The following DNAH11 variants were observed in gnomAD, a reference collection of about 807,000 sequenced individuals.
DNAH11 encodes the protein axonemal beta dynein heavy chain 11.
Under a neutral mutation model 526.0 loss-of-function variants are expected in DNAH11, and 442 were observed. The ratio of observed to expected loss-of-function variants is 0.84; its 90% CI spans 0.78 to 0.91. The LOEUF (loss-of-function observed/expected upper bound fraction) is 0.91. DNAH11 is among the 40% of genes least tolerant of loss of function. The probability of loss-of-function intolerance (pLI) is 0.00; values close to 1 mark genes in which losing one functional copy is unlikely to be tolerated. For synonymous variants in DNAH11, 2,461 were observed against 1,935.9 expected (o/e 1.27, Z -7.12); for missense variants, 6,989 against 5,448.7 (o/e 1.28, Z -8.90).
Position 21,543,077 on chromosome 7 carries a change from T to C in DNAH11, c.-169T>C. The stretch of plus-strand genomic sequence containing the variant: ...GCTTCGGCCTGCGAGGCTACAGCTG[T>C]GCGCAGTGGCGCGGCTGCTAAGTAG... On this transcript the variant is annotated 5_prime_UTR_variant, in exon 1 of 82. Transcript: ENST00000409508. 2.9e-6 allele frequency: 4 copies of C among 1,376,206 alleles called. No homozygotes were observed. The highest frequency in any genetic ancestry group is 2.8e-6 in the Non-Finnish European group (3 of 1,057,718). 85.2% of individuals were successfully genotyped at this position (1,376,206 alleles called of 1,614,324 possible). A position where few individuals can be genotyped will look rare whatever the true frequency, so the allele number is the denominator to read the frequency against.
intron 30 of DNAH11, among the ~76,000 whole-genome samples, chr7:21,681,006 A>C (rs894165106): frequency 6.6e-6 from 1 of 152,180 alleles, no homozygotes; most frequent in Non-Finnish European, 1.5e-5. Context: ...GCAGCCGGGA[A>C]ACCCTGTGTC....
At position 21,867,982 on chromosome 7, in the gene DNAH11, T is replaced by C; in HGVS notation, c.11814T>C (p.Asp3938=). 1 of 1,558,434 alleles carries C rather than the reference T, an allele frequency of 6.4e-7. No individual in the cohort carries two copies. ...PIFFILSPGV[D]ALKDLEILGK... ...TCTTCATCCTGTCTCCGGGGGTAGA[T>C]GCCCTTAAAGACCTGGAGATTCTTG... Residue 3938 remains aspartate, a synonymous_variant, in exon 72 of 82, where the codon GAT becomes GAC. Transcript: ENST00000409508.
chr7:21,584,431 A>G (rs1255596273), intron 9 of DNAH11, among the ~76,000 whole-genome samples: 1 of 151,874 alleles, frequency 6.6e-6, no homozygotes, highest in African/African-American at 2.4e-5. Context: ...GATGTCAGGG[A>G]GTGGGGGGCT....
At chr7:21,627,785 T>G (rs67177232) in intron 25 of DNAH11, among the ~76,000 whole-genome samples, 35,587 of 152,136 alleles carry the variant, frequency 0.23, 4,786 homozygotes, top group East Asian at 0.5. Flanking sequence ...CCATATAAAT[T>G]TTGAAACTTT....
chr7:21,785,775 C>G (rs1163830798), intron 58 of DNAH11, among the ~76,000 whole-genome samples: 1 of 152,138 alleles, frequency 6.6e-6, no homozygotes, highest in Non-Finnish European at 1.5e-5. Flanking sequence ...TGTTTTTGTT[C>G]TTGCTTTCAC....
chr7:21,856,720 GA>G (rs563050890), intron 68 of DNAH11, among the ~76,000 whole-genome samples: 4 of 150,696 alleles, frequency 2.7e-5, no homozygotes, highest in South Asian at 2.1e-4. Flanking sequence ...CAGAATAAAA[GA>G]AAAAAAAGCT....
intron 30 of DNAH11, among the ~76,000 whole-genome samples, chr7:21,665,111 C>T (rs1166019995): frequency 6.6e-6 from 1 of 151,922 alleles, no homozygotes; most frequent in Non-Finnish European, 1.5e-5. Context: ...CTCTCTCTTC[C>T]CCTTCCTCCC....
At position 21,600,816 on chromosome 7, in the gene DNAH11, G is replaced by C. The variant is rs1049088648; in HGVS notation, c.3141G>C (p.Glu1047Asp). 2 of 1,613,902 alleles carry C rather than the reference G, an allele frequency of 1.2e-6. No homozygotes were observed. The highest frequency in any genetic ancestry group is 1.7e-5 in the Admixed American group (1 of 60,004). Reference sequence around the variant, plus strand: ...ACCTCTGGGTGGATGATCGAGCTGAGTTTATGAAGCATTTTCTCTTGTATG... The same window carrying C: ...ACCTCTGGGTGGATGATCGAGCTGACTTTATGAAGCATTTTCTCTTGTATG... ...HTYLWVDDRA[E>D]FMKHFLLYGH... is the part of the protein sequence containing the mutation. Residue 1047 changes from glutamate to aspartate, a missense_variant, in exon 16 of 82, where the codon GAG becomes GAC. Coordinates refer to ENST00000409508, the MANE Select transcript of DNAH11 (RefSeq NM_001277115.2).
Position 21,707,811 on chromosome 7 carries a change from C to A in DNAH11, c.6659C>A (p.Ala2220Asp). The A allele has an allele frequency of 1.2e-6, 2 of 1,603,306 alleles. No homozygotes were observed. Among genetic ancestry groups the A allele is most frequent in the Non-Finnish European group, 8.5e-7 (1 of 1,175,860 alleles). The change falls in exon 40 of 82, where the codon GCT becomes GAT. Residue 2220 changes from alanine (A) to aspartate (D), a missense_variant. Ala to Asp is a moderately radical substitution (Grantham distance 126). Transcript: ENST00000409508. ...GAACTCTTTGGTTTCATACATCATG[C>A]TACCCGAGAATGGAAAGATGGCAAG... ...TDELFGFIHH[A>D]TREWKDGKIV... is the part of the protein sequence containing the mutation.
chr7:21,789,401 A>G (rs1486882058), intron 61 of DNAH11, 59 bp downstream of exon 61: 2 of 1,145,802 alleles, frequency 1.7e-6, no homozygotes, highest in East Asian at 5.1e-5. Flanking sequence ...CCTCCACCTT[A>G]GGATTCCACC....
At chr7:21,799,561 C>T (rs1788876433) in intron 61 of DNAH11, among the ~76,000 whole-genome samples, 1 of 152,044 alleles carries the variant, frequency 6.6e-6, no homozygotes, top group Non-Finnish European at 1.5e-5. Context: ...TGGTCTTGAA[C>T]TCCTGACCTC....
chr7:21,576,048 A>G (rs1436089465), intron 8 of DNAH11, among the ~76,000 whole-genome samples: 1 of 152,216 alleles, frequency 6.6e-6, no homozygotes, highest in Non-Finnish European at 1.5e-5. Context: ...AAGTGCAACT[A>G]AAACACTGGC....
chr7:21,701,346 G>A (rs1026039898), intron 36 of DNAH11, among the ~76,000 whole-genome samples: 1 of 148,620 alleles, frequency 6.7e-6, no homozygotes, highest in Non-Finnish European at 1.5e-5. Context: ...CTGGAGTACA[G>A]TAATGTGATC....
chr7:21,708,758 C>G (rs1008018261), intron 40 of DNAH11, among the ~76,000 whole-genome samples: 1 of 152,146 alleles, frequency 6.6e-6, no homozygotes, highest in African/African-American at 2.4e-5. Context: ...TTCCTGCCGT[C>G]GGCAACACTC....
intron 25 of DNAH11, among the ~76,000 whole-genome samples, chr7:21,630,085 T>G (rs1242944362): frequency 6.6e-6 from 1 of 152,104 alleles, no homozygotes; most frequent in Non-Finnish European, 1.5e-5. Context: ...CATTACAGGT[T>G]TTTGCATTGT....
chr7:21,546,626 T>C (rs572969831), intron 2 of DNAH11, among the ~76,000 whole-genome samples: 1 of 152,344 alleles, frequency 6.6e-6, no homozygotes, highest in South Asian at 2.1e-4. Context: ...AACATTATGA[T>C]GTGTTTCCAT....
At chr7:21,775,859 C>A (rs966464122) in intron 56 of DNAH11, among the ~76,000 whole-genome samples, 4 of 152,120 alleles carry the variant, frequency 2.6e-5, no homozygotes, top group African/African-American at 9.7e-5. Flanking sequence ...CTAAACTGAA[C>A]CTGTTGACTT....
chr7:21,898,873 C>T (rs540372910), intron 79 of DNAH11, among the ~76,000 whole-genome samples: 1 of 152,338 alleles, frequency 6.6e-6, no homozygotes, highest in East Asian at 1.9e-4. Flanking sequence ...TGCTCCACTG[C>T]CTCCGCACAT....
chr7:21,571,937 A>G lies in DNAH11; in HGVS notation c.1557A>G (p.Lys519=). ...EELMELCKLF[K]QSTYDPSDCT... is the part of the protein sequence containing the mutation. ...TTATGGAACTCTGTAAACTTTTTAA[A>G]CAGAGCACTTATGACCCATCTGATT... is the stretch of plus-strand genomic sequence containing the variant. Residue 519 remains lysine, a synonymous_variant, in exon 8 of 82, where the codon AAA becomes AAG. Coordinates refer to ENST00000409508, the MANE Select transcript of DNAH11 (RefSeq NM_001277115.2). 1 of 1,608,366 alleles carries G rather than the reference A, an allele frequency of 6.2e-7. No individual in the cohort carries two copies. Among genetic ancestry groups the G allele is most frequent in the Non-Finnish European group, 8.5e-7 (1 of 1,177,898 alleles).
Sources: allele counts gnomAD v4.1 joint callset (sites outside exome capture counted in the v4.1 genomes callset), GRCh38; gene constraint gnomAD v4.1.1; transcripts MANE v1.5; gene names NCBI Gene and HGNC (gene_info 2026-07-23, HGNC 2026-07-21).